Variants in SIPA1L2 observed in about 807,000 individuals in gnomAD.
SIPA1L2 encodes signal induced proliferation associated 1 like 2.
Under a neutral mutation model 163.9 loss-of-function variants are expected in SIPA1L2, and 56 were observed. That is an observed-to-expected ratio of 0.34 (90% CI 0.28 to 0.43). SIPA1L2 has a LOEUF of 0.43. Among genes scored for constraint, SIPA1L2 ranks in the 20% least tolerant of loss-of-function variants. The pLI is 1.00. For synonymous variants in SIPA1L2, 877 were observed against 865.7 expected, an observed-to-expected ratio of 1.01 and a Z score of -0.23; for missense variants, 1,974 against 2,193.5, an observed-to-expected ratio of 0.90 and a Z score of 2.00.
intron 1 of SIPA1L2, among the ~76,000 whole-genome samples, chr1:232,621,912 T>C (rs6424238): frequency 0.21 from 31,583 of 151,940 alleles, 3,468 homozygotes; most frequent in South Asian, 0.28. Context: ...AAATTTTCTG[T>C]AGAGATGGGG....
chr1:232,628,188 T>C (rs1469654422), intron 1 of SIPA1L2, among the ~76,000 whole-genome samples: 3 of 152,212 alleles, frequency 2.0e-5, no homozygotes, highest in Non-Finnish European at 4.4e-5. Context: ...TACGGGCTAT[T>C]GTGCTTGTCA....
At chr1:232,457,512 T>C (rs1028968117) in intron 10 of SIPA1L2, among the ~76,000 whole-genome samples, 1 of 152,186 alleles carries the variant, frequency 6.6e-6, no homozygotes, top group Non-Finnish European at 1.5e-5. Flanking sequence ...TACATGTCCA[T>C]TTAAATAATA....
At chr1:232,423,248 T>C (rs1480042040) in intron 18 of SIPA1L2, among the ~76,000 whole-genome samples, 1 of 152,220 alleles carries the variant, frequency 6.6e-6, no homozygotes, top group Non-Finnish European at 1.5e-5. Flanking sequence ...GGTCGCCATA[T>C]ACGTGGTCAA....
At chr1:232,446,963 T>C (rs1195719324) in intron 10 of SIPA1L2, among the ~76,000 whole-genome samples, 2 of 152,248 alleles carry the variant, frequency 1.3e-5, no homozygotes, top group African/African-American at 2.4e-5. Context: ...CTCTGATTCA[T>C]TTTTTAAGTG....
rs1334406 is a variant in SIPA1L2 at position 232,552,217 on chromosome 1, C to A, written c.-270+21957G>T. On this transcript the variant is annotated intron_variant, in intron 2 of 22. Transcript: ENST00000674635. ...GTGTCCAGTGCCTCACAAAGAGCAA[C>A]CGGTGATTAAATATCACCTTTTATT... Among the ~76,000 whole-genome samples the A allele has an allele frequency of 1.3e-4, 20 of 151,932 alleles. 1 individual carries two copies. In the South Asian group the frequency reaches 3.9e-3, roughly 30 times the overall value.
chr1:232,497,529 G>C (rs980754610), intron 3 of SIPA1L2, among the ~76,000 whole-genome samples: 6 of 152,088 alleles, frequency 3.9e-5, no homozygotes, highest in African/African-American at 1.4e-4. Context: ...TCCTCAATCT[G>C]CATCAAACTT....
At chr1:232,596,372 C>G (rs1276380929) in intron 1 of SIPA1L2, among the ~76,000 whole-genome samples, 1 of 152,154 alleles carries the variant, frequency 6.6e-6, no homozygotes, top group African/African-American at 2.4e-5. Context: ...ACATGTGAAA[C>G]GAATTTCAAA....
At chr1:232,445,405 T>G in intron 11 of SIPA1L2, 124 bp downstream of exon 11, 1 of 1,420,882 alleles carries the variant, frequency 7.0e-7, no homozygotes, top group South Asian at 1.3e-5. Flanking sequence ...CTTGCTACCC[T>G]GCTTGCCAAC....
chr1:232,532,294 C>T (rs973771179), intron 2 of SIPA1L2, among the ~76,000 whole-genome samples: 31 of 151,994 alleles, frequency 2.0e-4, no homozygotes, highest in African/African-American at 5.8e-4. Context: ...GGATTTTTGG[C>T]GTAAGTAACT....
chr1:232,493,774 A>G (rs1666045473), intron 3 of SIPA1L2, 114 bp from the exon 4 acceptor site: 3 of 1,315,756 alleles, frequency 2.3e-6, no homozygotes, highest in Non-Finnish European at 3.1e-6. Flanking sequence ...TAGCTCATAC[A>G]CAGTGATTTC....
intron 2 of SIPA1L2, among the ~76,000 whole-genome samples, chr1:232,562,409 T>C (rs1412010107): frequency 6.6e-6 from 1 of 152,208 alleles, no homozygotes; most frequent in African/African-American, 2.4e-5. Flanking sequence ...CATAAAGATA[T>C]GTGCTTTAAA....
chr1:232,400,333 T>G (rs1015837945), intron 22 of SIPA1L2, among the ~76,000 whole-genome samples: 1 of 152,058 alleles, frequency 6.6e-6, no homozygotes, highest in Non-Finnish European at 1.5e-5. Context: ...GCTGCCCACC[T>G]CTCCACATCC....
chr1:232,421,721 G>A (rs1436765402), intron 18 of SIPA1L2, among the ~76,000 whole-genome samples: 2 of 151,920 alleles, frequency 1.3e-5, no homozygotes, highest in African/African-American at 4.8e-5. Context: ...AGCAACATGT[G>A]CAAGTATTAC....
At chr1:232,500,649 T>C (rs1157959600) in intron 3 of SIPA1L2, among the ~76,000 whole-genome samples, 1 of 151,892 alleles carries the variant, frequency 6.6e-6, no homozygotes, top group East Asian at 1.9e-4. Flanking sequence ...AGAAGAGGAG[T>C]TGCTTTTTAT....
At chr1:232,560,642 G>A (rs1240279212) in intron 2 of SIPA1L2, among the ~76,000 whole-genome samples, 1 of 152,188 alleles carries the variant, frequency 6.6e-6, no homozygotes, top group East Asian at 1.9e-4. Context: ...CAGGCCCAGA[G>A]GCCTCAGCCT....
At chr1:232,479,354 T>G (rs1469814847) in intron 7 of SIPA1L2, among the ~76,000 whole-genome samples, 2 of 152,184 alleles carry the variant, frequency 1.3e-5, no homozygotes, top group African/African-American at 4.8e-5. Flanking sequence ...AATTAACATA[T>G]AGTTGAGACA....
In SIPA1L2 at chr1:232,479,086, T is replaced by C. The variant is rs72761314; in HGVS notation, c.2085+541A>G. The stretch of plus-strand genomic sequence containing the variant: ...CAAAAAGTAAATTATTTTACAATGA[T>C]TTATGCATCATTCAAGTTTTCAAAG... On this transcript the variant is annotated intron_variant, in intron 7 of 22. Coordinates refer to ENST00000674635, the MANE Select transcript of SIPA1L2 (RefSeq NM_020808.5). Among the ~76,000 whole-genome samples, 1,177 of 152,386 alleles carry C rather than the reference T, an allele frequency of 7.7e-3. 9 individuals are homozygous for C. Among genetic ancestry groups the C allele is most frequent in the Middle Eastern group, 0.017 (5 of 294 alleles).
chr1:232,629,449 A>C (rs2102903095), intron 1 of SIPA1L2, among the ~76,000 whole-genome samples: 1 of 152,330 alleles, frequency 6.6e-6, no homozygotes, highest in South Asian at 2.1e-4. Flanking sequence ...AAGGGGAATT[A>C]GCCCCGCAGC....
chr1:232,457,653 A>G (rs1015579224), intron 10 of SIPA1L2, among the ~76,000 whole-genome samples: 3 of 152,210 alleles, frequency 2.0e-5, no homozygotes, highest in Non-Finnish European at 2.9e-5. Flanking sequence ...TAACAGTACT[A>G]AAGGATGTTT....
Sources: allele counts gnomAD v4.1 joint callset (sites outside exome capture counted in the v4.1 genomes callset), GRCh38; gene constraint gnomAD v4.1.1; transcripts MANE v1.5; gene names NCBI Gene and HGNC (gene_info 2026-07-23, HGNC 2026-07-21).